CDC25C: variants seen among roughly 807,000 people sequenced by gnomAD.
CDC25C encodes the protein M-phase inducer phosphatase 3.
A neutral mutation model predicts 52.5 loss-of-function variants in CDC25C; 48 were observed. The ratio of observed to expected loss-of-function variants is 0.91; its 90% CI spans 0.72 to 1.16. CDC25C has a LOEUF of 1.16. Ranked by LOEUF, CDC25C falls within the 50% of genes most tolerant of loss-of-function variation. CDC25C has a pLI of 0.00. For synonymous variants in CDC25C, 187 were observed against 206.5 expected, an observed-to-expected ratio of 0.91 and a Z score of 0.81; for missense variants, 510 against 566.1, an observed-to-expected ratio of 0.90 and a Z score of 1.01.
At chr5:138,314,694 T>C (rs1362419323) in intron 7 of CDC25C, among the ~76,000 whole-genome samples, 1 of 147,278 alleles carries the variant, frequency 6.8e-6, no homozygotes, top group Non-Finnish European at 1.5e-5. Context: ...CTGCAACCTC[T>C]GCCTCCTAGG....
chr5:138,325,622 G>GAGCT (rs1759787159), intron 6 of CDC25C, among the ~76,000 whole-genome samples, 193 bp downstream of exon 6: 1 of 152,086 alleles, frequency 6.6e-6, no homozygotes, highest in Admixed American at 6.6e-5. Flanking sequence ...GGAAGATTTG[G>GAGCT]AGCTGGGTGT....
intron 7 of CDC25C, among the ~76,000 whole-genome samples, chr5:138,308,153 T>C (rs1758172810): frequency 6.6e-6 from 1 of 152,114 alleles, no homozygotes; most frequent in African/African-American, 2.4e-5. Context: ...CCTGTGTTGA[T>C]CCATGGCCCA....
At chr5:138,334,436 C>T (rs1011355872), upstream of CDC25C, among the ~76,000 whole-genome samples, 5 of 152,124 alleles carry the variant, frequency 3.3e-5, no homozygotes, top group East Asian at 1.9e-4. Context: ...TCTCAGCTCA[C>T]TGCAACCTCT....
chr5:138,310,268 G>A (rs1758341993), intron 7 of CDC25C, among the ~76,000 whole-genome samples: 1 of 152,140 alleles, frequency 6.6e-6, no homozygotes. Flanking sequence ...GAACATTCTT[G>A]TAGGAAGACA....
intron 7 of CDC25C, among the ~76,000 whole-genome samples, chr5:138,293,769 C>A (rs1166507322): frequency 1.3e-5 from 2 of 151,586 alleles, no homozygotes; most frequent in East Asian, 3.9e-4. Flanking sequence ...AACTCAGCCT[C>A]CTGAGTAACT....
At chr5:138,305,867 C>A (rs1164081822) in intron 7 of CDC25C, among the ~76,000 whole-genome samples, 1 of 152,192 alleles carries the variant, frequency 6.6e-6, no homozygotes, top group Non-Finnish European at 1.5e-5. Flanking sequence ...ACTAGATATT[C>A]CTGCCTGGGA....
intron 7 of CDC25C, among the ~76,000 whole-genome samples, chr5:138,304,997 A>G (rs1757898894): frequency 6.6e-6 from 1 of 152,152 alleles, no homozygotes. Flanking sequence ...CTGACTACTT[A>G]TTCTTTCCCA....
Position 138,287,172 on chromosome 5 carries a change from G to C in CDC25C, c.1023C>G (p.Ile341Met), listed in dbSNP as rs768462434. The C allele has an allele frequency of 3.1e-6, 5 of 1,609,122 alleles. No individual in the cohort carries two copies. The South Asian group carries it at 4.4e-5, about 14-fold the overall frequency. The change falls in exon 11 of 14, where the codon ATC (isoleucine) becomes ATG (methionine). Residue 341 changes from isoleucine (I) to methionine (M), a missense_variant. Ile to Met is a conservative substitution (Grantham distance 10). Transcript: ENST00000323760. Reference protein sequence around the residue: ...RYPYEYLGGHIQGALNLYSQE... With the variant: ...RYPYEYLGGHMQGALNLYSQE... ...AATGGCCACAATGTCGTCTCACCTG[G>C]ATGTGTCCTCCCAGATACTCATATG...
chr5:138,287,323 G>T, intron 10 of CDC25C, 56 bp from the exon 11 acceptor site: 2 of 1,230,220 alleles, frequency 1.6e-6, no homozygotes, highest in Non-Finnish European at 2.4e-6. Flanking sequence ...GGGAGAGAAG[G>T]GTCAATGACA....
intron 7 of CDC25C, among the ~76,000 whole-genome samples, chr5:138,309,242 T>C (rs1249434110): frequency 6.9e-6 from 1 of 144,284 alleles, no homozygotes; most frequent in Non-Finnish European, 1.5e-5. Flanking sequence ...AAAAAAAACA[T>C]AAAAATACTT....
intron 7 of CDC25C, among the ~76,000 whole-genome samples, chr5:138,307,325 A>T (rs1758082012): frequency 6.6e-6 from 1 of 151,236 alleles, no homozygotes. Context: ...CAACATGGTG[A>T]AATTGTCTCT....
chr5:138,332,365 C>T (rs1008617328), upstream of CDC25C, among the ~76,000 whole-genome samples: 4 of 152,114 alleles, frequency 2.6e-5, no homozygotes, highest in African/African-American at 4.8e-5. Flanking sequence ...TGTGTTTATG[C>T]TGAGAGGCAT....
At chr5:138,293,535 C>T (rs2126671006) in intron 7 of CDC25C, among the ~76,000 whole-genome samples, 1 of 151,964 alleles carries the variant, frequency 6.6e-6, no homozygotes, top group Admixed American at 6.6e-5. Context: ...CCTGAGAAGG[C>T]AGGGGAAAGC....
In CDC25C at chr5:138,331,746, C is replaced by A; in HGVS notation, c.-190G>T. ...TCTGCCTTCCGACTGGGTAGGCCAA[C>A]GTCGGACTCAGAGTCTTCCCTGAGC... On this transcript the variant is annotated 5_prime_UTR_variant, in exon 1 of 14. Transcript: ENST00000323760. 1 of 987,578 alleles carries A rather than the reference C, an allele frequency of 1.0e-6. No homozygotes were observed. Among genetic ancestry groups the A allele is most frequent in the Non-Finnish European group, 1.2e-6 (1 of 830,892 alleles). 61.2% of individuals were successfully genotyped at this position (987,578 alleles called of 1,614,324 possible).
At position 138,286,504 on chromosome 5, in the gene CDC25C, G is replaced by C. The variant is rs570293812; in HGVS notation, c.1153C>G (p.Pro385Ala). The change falls in exon 12 of 14, where the codon CCC (proline) becomes GCC (alanine). Residue 385 changes from proline to alanine, a missense_variant. By Grantham distance (27) the Pro-to-Ala change is conservative. Coordinates refer to ENST00000323760, the MANE Select transcript of CDC25C (RefSeq NM_001790.5). ...FHCEFSSERG[P>A]RMCRCLREED... ...CCCCATTTAGACACTCACATTCGGGGGCCCCTCTCTGAGGAGAATTCACAG... is the reference window on the plus strand; with the variant it reads ...CCCCATTTAGACACTCACATTCGGGCGCCCCTCTCTGAGGAGAATTCACAG... 6.2e-7 allele frequency: 1 copy of C among 1,610,936 alleles called. No individual in the cohort carries two copies. Among genetic ancestry groups the C allele is most frequent in the African/African-American group, 1.3e-5 (1 of 74,888 alleles).
intron 7 of CDC25C, among the ~76,000 whole-genome samples, chr5:138,317,786 T>C (rs1759017061): frequency 6.7e-6 from 1 of 150,086 alleles, no homozygotes; most frequent in African/African-American, 2.5e-5. Context: ...ATAACCCACA[T>C]GCTTCAGGTA....
At chr5:138,331,824 G>A, upstream of CDC25C, 4 of 985,936 alleles carry the variant, frequency 4.1e-6, no homozygotes, top group Non-Finnish European at 4.8e-6. Context: ...CGCAGGCGTT[G>A]ACCATTCAAA....
chr5:138,293,204 C>A (rs1043160797), intron 7 of CDC25C, among the ~76,000 whole-genome samples: 1 of 152,168 alleles, frequency 6.6e-6, no homozygotes, highest in Non-Finnish European at 1.5e-5. Context: ...TCCCCATCCA[C>A]CCTACCCCCC....
intron 4 of CDC25C, among the ~76,000 whole-genome samples, chr5:138,327,116 G>A (rs1759945059): frequency 6.6e-6 from 1 of 150,414 alleles, no homozygotes; most frequent in African/African-American, 2.4e-5. Context: ...TTAGCTGGGC[G>A]TCGTGGCATG....
Sources: allele counts gnomAD v4.1 joint callset (sites outside exome capture counted in the v4.1 genomes callset), GRCh38; gene constraint gnomAD v4.1.1; transcripts MANE v1.5; gene names NCBI Gene and HGNC (gene_info 2026-07-23, HGNC 2026-07-21).